Variants in PCDH11X observed in about 807,000 individuals in gnomAD.
PCDH11X encodes the protein protocadherin 11 X-linked.
A neutral mutation model predicts 53.3 loss-of-function variants in PCDH11X; 18 were observed. The observed-to-expected ratio is 0.34, with a 90% CI of 0.23 to 0.50. PCDH11X has a LOEUF of 0.50. Ranked by LOEUF, PCDH11X falls within the 20% of genes least tolerant of loss-of-function variation. The pLI, the probability that PCDH11X is intolerant of heterozygous loss-of-function variation, is 0.98. For missense variants in PCDH11X, 570 were observed against 1,032.4 expected, an observed-to-expected ratio of 0.55 and a Z score of 6.14; for synonymous variants, 279 against 393.3, an observed-to-expected ratio of 0.71 and a Z score of 3.44.
chrX:91,822,134 T>C (rs1936712631), intron 4 of PCDH11X, among the ~76,000 whole-genome samples: 1 of 110,348 alleles, frequency 9.1e-6, no homozygotes, highest in African/African-American at 3.4e-5. Context: ...TCTAAAATTC[T>C]CTTTTTTGGT....
At chrX:92,082,509 T>TA (rs2148103550) in intron 6 of PCDH11X, among the ~76,000 whole-genome samples, 1 of 110,606 alleles carries the variant, frequency 9.0e-6, no homozygotes, top group African/African-American at 3.3e-5. Context: ...TGTATTAAAT[T>TA]AAAAACCTTT....
chrX:92,599,733 G>A (rs993890530), intron 10 of PCDH11X, among the ~76,000 whole-genome samples: 3 of 111,751 alleles, frequency 2.7e-5, no homozygotes, highest in African/African-American at 9.8e-5. Context: ...TTGGAACTGG[G>A]TAACAGGCAG....
chrX:92,249,535 T>G (rs1052704846), intron 7 of PCDH11X, among the ~76,000 whole-genome samples: 2 of 112,493 alleles, frequency 1.8e-5, no homozygotes, highest in African/African-American at 6.4e-5. Flanking sequence ...GTTACTAACA[T>G]AGTAAAGAAT....
At chrX:92,370,027 CA>C (rs2070576658) in intron 8 of PCDH11X, among the ~76,000 whole-genome samples, 1 of 106,641 alleles carries the variant, frequency 9.4e-6, no homozygotes, top group Admixed American at 1.0e-4. Flanking sequence ...CAATCATTTA[CA>C]AAAAATTGTT....
At chrX:92,592,652 A>G (rs900299616) in intron 10 of PCDH11X, among the ~76,000 whole-genome samples, 13 of 111,389 alleles carry the variant, frequency 1.2e-4, no homozygotes, top group African/African-American at 3.9e-4. Flanking sequence ...AATCGCTTGA[A>G]CCGGGGAAGC....
intron 10 of PCDH11X, among the ~76,000 whole-genome samples, chrX:92,607,475 C>A (rs1926943654): frequency 9.0e-6 from 1 of 111,300 alleles, no homozygotes; most frequent in South Asian, 3.7e-4. Context: ...TGGAGTTTGA[C>A]GGGAAATGGG....
chrX:92,088,356 T>C (rs1440815991), intron 6 of PCDH11X, among the ~76,000 whole-genome samples: 1 of 111,241 alleles, frequency 9.0e-6, no homozygotes, highest in Non-Finnish European at 1.9e-5. Context: ...TTAGATAAAG[T>C]ATTAGATTTT....
intron 8 of PCDH11X, among the ~76,000 whole-genome samples, chrX:92,315,375 ATTG>A (rs1218419029): frequency 9.0e-6 from 1 of 111,051 alleles, no homozygotes; most frequent in Non-Finnish European, 1.9e-5. Flanking sequence ...TTTTAAAATT[ATTG>A]TTGTTTCTTT....
intron 9 of PCDH11X, among the ~76,000 whole-genome samples, chrX:92,444,343 G>A (rs2072583347): frequency 9.5e-6 from 1 of 105,660 alleles, no homozygotes; most frequent in African/African-American, 3.5e-5. Context: ...GTTTTTTTGG[G>A]AAGGAGTGTA....
At chrX:92,169,149 C>A (rs1332739914) in intron 6 of PCDH11X, among the ~76,000 whole-genome samples, 1 of 96,826 alleles carries the variant, frequency 1.0e-5, no homozygotes, top group Non-Finnish European at 2.1e-5. Flanking sequence ...TTTATAGGGA[C>A]AAAACCCGAG....
intron 6 of PCDH11X, among the ~76,000 whole-genome samples, chrX:92,131,970 G>T (rs112877226): frequency 0.033 from 3,576 of 108,413 alleles, 153 homozygotes; most frequent in African/African-American, 0.11. Context: ...GGCTTTTTTA[G>T]CTTTTAATAT....
At chrX:92,373,796 G>T (rs976338735) in intron 8 of PCDH11X, among the ~76,000 whole-genome samples, 11 of 111,638 alleles carry the variant, frequency 9.9e-5, no homozygotes, top group Non-Finnish European at 1.7e-4. Context: ...ACATATTTTA[G>T]TGTAAAACTA....
intron 5 of PCDH11X, among the ~76,000 whole-genome samples, chrX:91,845,182 C>A (rs1937607229): frequency 9.0e-6 from 1 of 111,214 alleles, no homozygotes; most frequent in South Asian, 3.7e-4. Flanking sequence ...CATTAAACTA[C>A]CTTCAATAAA....
chrX:91,939,354 A>G (rs779157304), intron 6 of PCDH11X, among the ~76,000 whole-genome samples: 6 of 111,074 alleles, frequency 5.4e-5, no homozygotes, highest in Admixed American at 3.8e-4. Flanking sequence ...GCTCTGGGAC[A>G]ATTTCAAGTA....
At chrX:92,151,675 C>G (rs142137789) in intron 6 of PCDH11X, among the ~76,000 whole-genome samples, 1,768 of 110,920 alleles carry the variant, frequency 0.016, 31 homozygotes, top group African/African-American at 0.055. Flanking sequence ...AACAAAAAAA[C>G]TTCACATTAG....
chrX:92,472,548 C>A (rs34091200), intron 10 of PCDH11X, among the ~76,000 whole-genome samples: 2 of 108,758 alleles, frequency 1.8e-5, no homozygotes, highest in Non-Finnish European at 3.8e-5. Context: ...AGTCAGGTAG[C>A]ATGGTACCTC....
At chrX:92,070,642 G>T (rs2063686366) in intron 6 of PCDH11X, among the ~76,000 whole-genome samples, 2 of 111,117 alleles carry the variant, frequency 1.8e-5, no homozygotes, top group African/African-American at 6.6e-5. Context: ...GCCTTGAGGT[G>T]ATCTCCTTCA....
chrX:92,099,562 C>G lies in PCDH11X; in HGVS notation c.3034-101813C>G, dbSNP rs1489600266. 1.9e-4 allele frequency among the ~76,000 whole-genome samples: 21 copies of G among 111,691 alleles called. No homozygotes were observed. The Admixed American group carries it at 2.0e-3, about 11-fold the overall frequency. On this transcript the variant is annotated intron_variant, in intron 6 of 10. Transcript: ENST00000682573. The stretch of plus-strand genomic sequence containing the variant: ...GCTAAGAAATTCTTTAATTCTCTGA[C>G]TCCTGAATTCTGTAATAACTTCTGC...
intron 10 of PCDH11X, among the ~76,000 whole-genome samples, chrX:92,481,499 T>C (rs1424966539): frequency 3.7e-5 from 4 of 109,488 alleles, no homozygotes; most frequent in Non-Finnish European, 7.6e-5. Context: ...TGTGGTGCAG[T>C]CCACCAGTGC....
Sources: gnomAD v4.1 joint callset for allele counts (sites outside exome capture counted in the v4.1 genomes callset) on GRCh38, gnomAD v4.1.1 for gene constraint, MANE v1.5 for transcripts, NCBI Gene and HGNC (gene_info 2026-07-23, HGNC 2026-07-21) for gene names.